CDH7: variants seen among roughly 807,000 people sequenced by gnomAD.
CDH7 encodes cadherin-7.
In CDH7, 25 loss-of-function variants were observed where a neutral mutation model predicts 71.8. The ratio of observed to expected loss-of-function variants is 0.35; its 90% CI spans 0.25 to 0.49. The LOEUF (loss-of-function observed/expected upper bound fraction) is 0.49, where lower values mean the gene tolerates loss of function less well. CDH7 is among the 20% of genes least tolerant of loss of function. The probability of loss-of-function intolerance (pLI) is 0.99; values close to 1 mark genes in which losing one functional copy is unlikely to be tolerated. For synonymous variants in CDH7, 381 were observed against 363.8 expected, an observed-to-expected ratio of 1.05 and a Z score of -0.54; for missense variants, 862 against 974.6, an observed-to-expected ratio of 0.88 and a Z score of 1.54.
intron 3 of CDH7, 24 bp downstream of exon 3, chr18:65,810,022 T>A: frequency 6.3e-7 from 1 of 1,587,372 alleles, no homozygotes; most frequent in Non-Finnish European, 8.6e-7. Context: ...ACTCTGCTTT[T>A]GTAGCTTGTG....
rs140033754 is a variant in CDH7, at chr18:65,777,274, A to G, written c.210+14222A>G. On this transcript the variant is annotated intron_variant, in intron 2 of 11. Coordinates refer to ENST00000397968, the MANE Select transcript of CDH7 (RefSeq NM_004361.5). ...GACGAGTATTTCTTCATAAACAAAA[A>G]TAATTATGTTGGTTGACTATATCCA... Among the ~76,000 whole-genome samples the G allele has an allele frequency of 6.6e-4, 101 of 152,242 alleles. 1 individual carries two copies. The East Asian group carries it at 0.019, about 29-fold the overall frequency.
intron 1 of CDH7, among the ~76,000 whole-genome samples, chr18:65,752,614 G>T (rs1258962042): frequency 6.6e-6 from 1 of 152,092 alleles, no homozygotes; most frequent in East Asian, 1.9e-4. Context: ...AGGCTATTTT[G>T]AACAGTATGA....
intron 8 of CDH7, among the ~76,000 whole-genome samples, chr18:65,858,718 A>G (rs772917174): frequency 3.3e-5 from 5 of 152,042 alleles, no homozygotes; most frequent in Admixed American, 6.6e-5. Flanking sequence ...ACATATATGT[A>G]TGTGTGTATA....
intron 5 of CDH7, among the ~76,000 whole-genome samples, chr18:65,823,974 T>C (rs531808653): frequency 2.0e-5 from 3 of 151,804 alleles, no homozygotes; most frequent in African/African-American, 7.2e-5. Context: ...TGAGGGATGG[T>C]GAAGAGGAGT....
In CDH7 at chr18:65,886,472, A is replaced by G. The variant is rs1046527740; in HGVS notation, c.*5578A>G. On this transcript the variant is annotated 3_prime_UTR_variant, in exon 12 of 12. Coordinates refer to ENST00000397968, the MANE Select transcript of CDH7 (RefSeq NM_004361.5). ...TCAACATAATTCAACCATTCATATG[A>G]ATTAATGATATCCATATGTGAATGG... The G allele has an allele frequency of 3.9e-5, 6 of 152,162 alleles. No homozygotes were observed. The highest frequency in any genetic ancestry group is 7.4e-5 in the Non-Finnish European group (5 of 68,002). 9.4% of individuals were successfully genotyped at this position (152,162 alleles called of 1,614,324 possible).
intron 2 of CDH7, among the ~76,000 whole-genome samples, chr18:65,809,056 A>C (rs950520401): frequency 1.3e-5 from 2 of 152,156 alleles, no homozygotes; most frequent in Non-Finnish European, 2.9e-5. Context: ...TATTTCAACA[A>C]AGCTTTTAGT....
chr18:65,766,507 T>C (rs944904582), intron 2 of CDH7, among the ~76,000 whole-genome samples: 1 of 152,140 alleles, frequency 6.6e-6, no homozygotes, highest in Non-Finnish European at 1.5e-5. Flanking sequence ...TTCTGGGCTA[T>C]GCTAGACTCC....
intron 6 of CDH7, among the ~76,000 whole-genome samples, chr18:65,827,838 G>T (rs74911932): frequency 0.047 from 7,084 of 151,858 alleles, 311 homozygotes; most frequent in African/African-American, 0.11. Flanking sequence ...GGATGCATGG[G>T]TGTTAAGACG....
chr18:65,799,493 AG>A (rs1911038777), intron 2 of CDH7, among the ~76,000 whole-genome samples: 1 of 151,926 alleles, frequency 6.6e-6, no homozygotes, highest in South Asian at 2.1e-4. Flanking sequence ...CTGGCTAAAG[AG>A]GTGAAACCCC....
Position 65,762,735 on chromosome 18 carries a change from C to T in CDH7, c.-108C>T, listed in dbSNP as rs938634582. 4 of 815,698 alleles carry T rather than the reference C, an allele frequency of 4.9e-6. No homozygotes were observed. The highest frequency in any genetic ancestry group is 1.8e-5 in the South Asian group (1 of 55,180). 50.5% of individuals were successfully genotyped at this position (815,698 alleles called of 1,614,324 possible). A position where few individuals can be genotyped will look rare whatever the true frequency, so the allele number is the denominator to read the frequency against. ...CTCTACAGATTATTATCTCTGGACT[C>T]CCAGCTGACACCCTGCCGGAGGCAA... On this transcript the variant is annotated 5_prime_UTR_variant, in exon 2 of 12. Transcript: ENST00000397968.
intron 2 of CDH7, among the ~76,000 whole-genome samples, chr18:65,796,727 T>C (rs2143871102): frequency 6.6e-6 from 1 of 152,282 alleles, no homozygotes; most frequent in East Asian, 1.9e-4. Flanking sequence ...GTCATGCATG[T>C]TGGATAACAC....
At chr18:65,761,215 AT>A (rs1479351010) in intron 1 of CDH7, among the ~76,000 whole-genome samples, 2 of 152,250 alleles carry the variant, frequency 1.3e-5, no homozygotes, top group East Asian at 3.9e-4. Context: ...ATAGATATAT[AT>A]TTTTAAATGT....
chr18:65,873,087 A>G (rs1007557391), intron 11 of CDH7, among the ~76,000 whole-genome samples: 22 of 152,310 alleles, frequency 1.4e-4, no homozygotes, highest in African/African-American at 5.3e-4. Context: ...AAGAATTAAA[A>G]AATAGGAAGT....
intron 2 of CDH7, among the ~76,000 whole-genome samples, chr18:65,793,418 C>CAA (rs541826329): frequency 0.027 from 2,429 of 91,128 alleles, 66 homozygotes; most frequent in African/African-American, 0.077. Flanking sequence ...CACCCAGTCT[C>CAA]AAAAAAAAAA....
chr18:65,766,533 A>G (rs997002468), intron 2 of CDH7, among the ~76,000 whole-genome samples: 5 of 152,060 alleles, frequency 3.3e-5, no homozygotes, highest in Non-Finnish European at 4.4e-5. Context: ...TGCAACCTTT[A>G]TCATTAGCTT....
In CDH7 at chr18:65,787,472, A is replaced by AT. The variant is rs111488853; in HGVS notation, c.211-22231dup. ...CAGGCGTTTACCTACTAGCAGGAGG[A>AT]TGGAGAGTAGTTACCAAATACAAGT... On this transcript the variant is annotated intron_variant, in intron 2 of 11. Coordinates refer to ENST00000397968, the MANE Select transcript of CDH7 (RefSeq NM_004361.5). Among the ~76,000 whole-genome samples, 1,273 of 152,290 alleles carry AT rather than the reference A, an allele frequency of 8.4e-3. 13 individuals carry two copies. Among genetic ancestry groups the AT allele is most frequent in the African/African-American group, 0.029 (1,223 of 41,550 alleles).
intron 2 of CDH7, chr18:65,803,033 T>A (rs1049496814): frequency 6.6e-6 from 1 of 152,332 alleles, no homozygotes; most frequent in African/African-American, 2.4e-5. Context: ...GGATGGAAAT[T>A]TTGATTTTAC....
intron 2 of CDH7, among the ~76,000 whole-genome samples, chr18:65,766,885 T>TG (rs1916387537): frequency 1.1e-5 from 1 of 88,616 alleles, no homozygotes; most frequent in Non-Finnish European, 2.7e-5. Flanking sequence ...CTGTCTGACG[T>TG]AAAAAAAAAA....
chr18:65,807,295 G>A (rs1385282), intron 2 of CDH7, among the ~76,000 whole-genome samples: 82,613 of 151,864 alleles, frequency 0.54, 26,670 homozygotes, highest in East Asian at 0.97. Context: ...CACAGTCAGG[G>A]CTTACTGTGT....
Sources: allele counts gnomAD v4.1 joint callset (sites outside exome capture counted in the v4.1 genomes callset), GRCh38; gene constraint gnomAD v4.1.1; transcripts MANE v1.5; gene names NCBI Gene and HGNC (gene_info 2026-07-23, HGNC 2026-07-21).